DIP2B: variants seen among roughly 807,000 people sequenced by gnomAD.
The protein encoded by DIP2B is DIP2 acetate--CoA ligase B (putative).
Under a neutral mutation model 198.0 loss-of-function variants are expected in DIP2B, and 76 were observed. That is an observed-to-expected ratio of 0.38 (90% CI 0.32 to 0.46). The LOEUF (loss-of-function observed/expected upper bound fraction) is 0.46, where lower values mean the gene tolerates loss of function less well. Ranked by LOEUF, DIP2B falls within the 20% of genes least tolerant of loss-of-function variation. DIP2B has a pLI of 0.99. For missense variants in DIP2B, 1,559 were observed against 1,978.4 expected, an observed-to-expected ratio of 0.79 and a Z score of 4.02; for synonymous variants, 701 against 739.1, an observed-to-expected ratio of 0.95 and a Z score of 0.84.
At chr12:50,710,686 G>C (rs568714790) in intron 22 of DIP2B, among the ~76,000 whole-genome samples, 1 of 152,232 alleles carries the variant, frequency 6.6e-6, no homozygotes, top group African/African-American at 2.4e-5. Context: ...CGGCCTCCCA[G>C]AGTGCTGGGA....
intron 1 of DIP2B, among the ~76,000 whole-genome samples, chr12:50,570,665 G>A (rs1434353640): frequency 9.2e-5 from 14 of 152,228 alleles, no homozygotes; most frequent in Admixed American, 4.6e-4. Flanking sequence ...AGCCGAGATC[G>A]CGCCACTGCG....
intron 16 of DIP2B, among the ~76,000 whole-genome samples, chr12:50,696,488 T>C (rs1246281847): frequency 2.0e-5 from 3 of 152,236 alleles, no homozygotes; most frequent in Non-Finnish European, 2.9e-5. Context: ...TGCTCATTCA[T>C]GTATAACCTC....
intron 1 of DIP2B, among the ~76,000 whole-genome samples, chr12:50,554,772 CT>C (rs35294740): frequency 1.3e-5 from 2 of 150,070 alleles, no homozygotes; most frequent in East Asian, 2.0e-4. Flanking sequence ...CCCCCCGCCC[CT>C]TTTTTTTTCT....
intron 1 of DIP2B, among the ~76,000 whole-genome samples, chr12:50,522,461 A>G (rs544629543): frequency 6.6e-6 from 1 of 152,302 alleles, no homozygotes; most frequent in African/African-American, 2.4e-5. Context: ...CAGGGCGCAC[A>G]CATACATACA....
chr12:50,543,578 C>T (rs1316148730), intron 1 of DIP2B, among the ~76,000 whole-genome samples: 8 of 151,832 alleles, frequency 5.3e-5, no homozygotes, highest in African/African-American at 1.7e-4. Flanking sequence ...CATGAGCCAC[C>T]GCTCTCAGCC....
chr12:50,577,358 T>C (rs7304689), intron 1 of DIP2B, among the ~76,000 whole-genome samples: 110,407 of 151,458 alleles, frequency 0.73, 40,993 homozygotes, highest in East Asian at 1. Context: ...AGTGAAACCC[T>C]GCCTCTACTA....
At chr12:50,621,122 G>A (rs1427281705) in intron 1 of DIP2B, among the ~76,000 whole-genome samples, 2 of 152,332 alleles carry the variant, frequency 1.3e-5, no homozygotes, top group East Asian at 3.9e-4. Context: ...CAAAATCTGT[G>A]TAAGTACAGG....
intron 1 of DIP2B, among the ~76,000 whole-genome samples, chr12:50,508,405 A>G (rs946916338): frequency 5.3e-5 from 8 of 152,218 alleles, no homozygotes; most frequent in African/African-American, 1.9e-4. Context: ...AATGGGGAGA[A>G]TTAATTTGCT....
intron 3 of DIP2B, among the ~76,000 whole-genome samples, chr12:50,649,284 G>A (rs1475570368): frequency 6.6e-6 from 1 of 152,112 alleles, no homozygotes; most frequent in African/African-American, 2.4e-5. Flanking sequence ...TATAAGAATA[G>A]CTAAGAGAAC....
At chr12:50,556,454 A>G (rs898262631) in intron 1 of DIP2B, among the ~76,000 whole-genome samples, 1 of 152,020 alleles carries the variant, frequency 6.6e-6, no homozygotes, top group Admixed American at 6.6e-5. Flanking sequence ...GAAGACAGGT[A>G]TTTACTTTTT....
intron 28 of DIP2B, among the ~76,000 whole-genome samples, chr12:50,725,215 C>T (rs930360668): frequency 2.0e-5 from 3 of 152,056 alleles, no homozygotes; most frequent in Non-Finnish European, 4.4e-5. Context: ...TCCTTTCGTT[C>T]GAGATGTGAT....
intron 1 of DIP2B, among the ~76,000 whole-genome samples, chr12:50,592,728 G>A (rs951185617): frequency 1.3e-5 from 2 of 152,118 alleles, no homozygotes; most frequent in African/African-American, 4.8e-5. Context: ...TGCCCGCCTC[G>A]GCCTCCTAAA....
intron 17 of DIP2B, among the ~76,000 whole-genome samples, chr12:50,697,670 C>T (rs113797184): frequency 0.018 from 2,585 of 147,482 alleles, 25 homozygotes; most frequent in Non-Finnish European, 0.025. Flanking sequence ...GCTAGGACTA[C>T]AGGCATGTAC....
chr12:50,671,797 G>A (rs1315385794), intron 5 of DIP2B, among the ~76,000 whole-genome samples: 1 of 152,186 alleles, frequency 6.6e-6, no homozygotes, highest in East Asian at 1.9e-4. Context: ...CTAAACCTGA[G>A]CAAAATCTAT....
intron 1 of DIP2B, among the ~76,000 whole-genome samples, chr12:50,506,899 G>A (rs940212717): frequency 1.1e-4 from 16 of 152,186 alleles, no homozygotes; most frequent in African/African-American, 3.4e-4. Context: ...GGATGCTTGC[G>A]TCAGAGGGAG....
intron 1 of DIP2B, among the ~76,000 whole-genome samples, chr12:50,616,422 A>C (rs1593658984): frequency 6.6e-6 from 1 of 152,230 alleles, no homozygotes; most frequent in Non-Finnish European, 1.5e-5. Flanking sequence ...AGATACAATA[A>C]AAATTCTCAT....
intron 4 of DIP2B, 117 bp downstream of exon 4, chr12:50,660,436 T>C: frequency 8.2e-7 from 1 of 1,219,768 alleles, no homozygotes; most frequent in Non-Finnish European, 1.1e-6. Flanking sequence ...ATTAGAGGAA[T>C]GTAAGAGAAC....
intron 1 of DIP2B, among the ~76,000 whole-genome samples, chr12:50,547,736 C>T (rs1434309576): frequency 6.6e-6 from 1 of 152,114 alleles, no homozygotes; most frequent in African/African-American, 2.4e-5. Context: ...TGAAAATAGG[C>T]TGTGACACTA....
chr12:50,518,448 G>A (rs1410593410), intron 1 of DIP2B, among the ~76,000 whole-genome samples: 1 of 152,092 alleles, frequency 6.6e-6, no homozygotes, highest in Middle Eastern at 3.2e-3. Context: ...GACCTCAAGT[G>A]ATCGCCCACC....
Sources: gnomAD v4.1 joint callset for allele counts (sites outside exome capture counted in the v4.1 genomes callset) on GRCh38, gnomAD v4.1.1 for gene constraint, MANE v1.5 for transcripts, NCBI Gene and HGNC (gene_info 2026-07-23, HGNC 2026-07-21) for gene names.